The following RUNDC3B variants were observed in gnomAD, a reference collection of about 807,000 sequenced individuals.
RUNDC3B encodes the protein RUN domain-containing protein 3B.
In RUNDC3B, 33 loss-of-function variants were observed where a neutral mutation model predicts 58.4. The ratio of observed to expected loss-of-function variants is 0.56; its 90% CI spans 0.43 to 0.75. The LOEUF (loss-of-function observed/expected upper bound fraction) is 0.75, where lower values mean the gene tolerates loss of function less well. RUNDC3B is among the 30% of genes least tolerant of loss of function. The pLI is 0.00. For missense variants in RUNDC3B, 501 were observed against 535.7 expected, an observed-to-expected ratio of 0.94 and a Z score of 0.64; for synonymous variants, 193 against 195.2, an observed-to-expected ratio of 0.99 and a Z score of 0.10.
intron 6 of RUNDC3B, among the ~76,000 whole-genome samples, chr7:87,742,631 T>C (rs1832400244): frequency 6.6e-6 from 1 of 151,596 alleles, no homozygotes. Flanking sequence ...TATCATGGTT[T>C]TTTTAATTGA....
chr7:87,822,004 C>T (rs1245911285), intron 10 of RUNDC3B, among the ~76,000 whole-genome samples: 22 of 151,744 alleles, frequency 1.4e-4, no homozygotes, highest in Admixed American at 5.3e-4. Flanking sequence ...GTCTAAAACA[C>T]CAAAAGCAAT....
chr7:87,732,101 CAG>C (rs1437650483), intron 4 of RUNDC3B, among the ~76,000 whole-genome samples: 4 of 151,952 alleles, frequency 2.6e-5, no homozygotes, highest in South Asian at 2.1e-4. Flanking sequence ...AAATCAATAA[CAG>C]AGAAATTTTG....
At chr7:87,675,772 T>C (rs1293358681) in intron 2 of RUNDC3B, among the ~76,000 whole-genome samples, 1 of 151,052 alleles carries the variant, frequency 6.6e-6, no homozygotes, top group African/African-American at 2.4e-5. Context: ...ACAAATTAAA[T>C]AATTTAACAT....
chr7:87,702,009 G>C (rs1273972968), intron 3 of RUNDC3B, among the ~76,000 whole-genome samples: 1 of 151,596 alleles, frequency 6.6e-6, no homozygotes, highest in African/African-American at 2.4e-5. Context: ...CAGGCGTGGT[G>C]GTGGGCACCT....
intron 3 of RUNDC3B, among the ~76,000 whole-genome samples, chr7:87,703,915 T>TTTTTTTTTG (rs1829351240): frequency 1.6e-4 from 3 of 18,530 alleles, no homozygotes; most frequent in Non-Finnish European, 2.2e-4. Flanking sequence ...TTTTTTTTGG[T>TTTTTTTTTG]TTTTTTTTTT....
chr7:87,720,415 C>T (rs1830806466), intron 4 of RUNDC3B, among the ~76,000 whole-genome samples: 1 of 151,924 alleles, frequency 6.6e-6, no homozygotes, highest in African/African-American at 2.4e-5. Context: ...AGGAAATGCA[C>T]ATTCCTAAAG....
chr7:87,703,921 T>G, intron 3 of RUNDC3B, among the ~76,000 whole-genome samples: 9 of 108,510 alleles, frequency 8.3e-5, no homozygotes, highest in African/African-American at 3.3e-4. Context: ...TTGGTTTTTT[T>G]TTTTTTTTTT....
chr7:87,822,041 G>A (rs900286764), intron 10 of RUNDC3B, among the ~76,000 whole-genome samples: 1 of 151,808 alleles, frequency 6.6e-6, no homozygotes, highest in African/African-American at 2.4e-5. Context: ...ATTGACAAAT[G>A]GGATCTAATT....
rs141119985 is a variant in RUNDC3B at position 87,780,142 on chromosome 7, T to A, written c.956+2187T>A. On this transcript the variant is annotated intron_variant, in intron 8 of 10. Transcript: ENST00000394654. ...ACCAATTTATTTTCTTTTGGATATA[T>A]ACCTAGTAATGGTATTGCTGGGTTG... Among the ~76,000 whole-genome samples, 110 of 152,348 alleles carry A rather than the reference T, an allele frequency of 7.2e-4. 2 individuals are homozygous for A. In the East Asian group the frequency reaches 0.02, roughly 28 times the overall value.
In RUNDC3B at chr7:87,789,923, T is replaced by A. The variant is rs373690910; in HGVS notation, c.956+11968T>A. ...TGCCACCCTTGGCCCCTAGACAGCA[T>A]CTCTGGACCCACCCAGGGCCTGGGC... On this transcript the variant is annotated intron_variant, in intron 8 of 10. Coordinates refer to ENST00000394654, the MANE Select transcript of RUNDC3B (RefSeq NM_001134405.2). 2.0e-5 allele frequency among the ~76,000 whole-genome samples: 3 copies of A among 152,284 alleles called. No individual in the cohort carries two copies. In the South Asian group the frequency reaches 6.2e-4, roughly 32 times the overall value.
intron 10 of RUNDC3B, among the ~76,000 whole-genome samples, chr7:87,828,906 A>G (rs1053058128): frequency 5.9e-5 from 9 of 152,226 alleles, no homozygotes; most frequent in African/African-American, 1.7e-4. Context: ...CAACCCTTAT[A>G]TCATGTCATT....
intron 2 of RUNDC3B, among the ~76,000 whole-genome samples, chr7:87,675,895 A>G (rs1826305333): frequency 6.6e-6 from 1 of 152,138 alleles, no homozygotes; most frequent in Non-Finnish European, 1.5e-5. Context: ...CAACAAAGAA[A>G]AGATAAATAA....
chr7:87,648,356 T>C (rs570972003), intron 1 of RUNDC3B, among the ~76,000 whole-genome samples: 2 of 152,102 alleles, frequency 1.3e-5, no homozygotes, highest in South Asian at 4.1e-4. Context: ...GAGGCAAATG[T>C]TCATATAAAA....
intron 2 of RUNDC3B, among the ~76,000 whole-genome samples, chr7:87,686,776 GAAAAA>G (rs555870738): frequency 9.3e-5 from 10 of 106,976 alleles, no homozygotes; most frequent in Non-Finnish European, 2.0e-4. Flanking sequence ...CCCGCCTCTA[GAAAAA>G]AAAAAAAAAA....
intron 6 of RUNDC3B, among the ~76,000 whole-genome samples, chr7:87,767,500 C>T (rs773021419): frequency 7.0e-4 from 106 of 152,246 alleles, no homozygotes; most frequent in Admixed American, 2.4e-3. Flanking sequence ...TGCTACTTGT[C>T]GTAGCAATGT....
In RUNDC3B at chr7:87,720,226, A is replaced by G. The variant is rs1830795025; in HGVS notation, c.458+9571A>G. The stretch of plus-strand genomic sequence containing the variant: ...GTCAAAAGCTCTTAGACATATGAAC[A>G]TTTATTTAACTTTTCTTATTATAAG... On this transcript the variant is annotated intron_variant, in intron 4 of 10. Coordinates refer to ENST00000394654, the MANE Select transcript of RUNDC3B (RefSeq NM_001134405.2). Among the ~76,000 whole-genome samples, 4 of 152,156 alleles carry G rather than the reference A, an allele frequency of 2.6e-5. No individual in the cohort carries two copies. In the South Asian group the frequency reaches 8.3e-4, roughly 31 times the overall value.
At chr7:87,690,013 A>C (rs1827866524) in intron 2 of RUNDC3B, among the ~76,000 whole-genome samples, 1 of 152,056 alleles carries the variant, frequency 6.6e-6, no homozygotes. Flanking sequence ...AATTTTTTAT[A>C]GAGACAGAGT....
intron 1 of RUNDC3B, among the ~76,000 whole-genome samples, chr7:87,634,210 A>C (rs926552571): frequency 6.6e-6 from 1 of 152,138 alleles, no homozygotes; most frequent in Non-Finnish European, 1.5e-5. Context: ...TGATTAGCCA[A>C]ATACTTCCTG....
Position 87,700,467 on chromosome 7 carries a change from C to T in RUNDC3B, c.285C>T (p.Asp95=). The change falls in exon 3 of 11, where the codon GAC becomes GAT. Residue 95 remains aspartate (D), a synonymous_variant. Transcript: ENST00000394654. ...FGYESPRSFW[D]YIRVACRKVS... ...ATGAAAGTCCTCGTAGCTTCTGGGA[C>T]TATATCAGAGTGGCTTGCCGGAAAG... 6.2e-7 allele frequency: 1 copy of T among 1,613,274 alleles called. No individual in the cohort carries two copies. Among genetic ancestry groups the T allele is most frequent in the Non-Finnish European group, 8.5e-7 (1 of 1,179,498 alleles).
Sources: allele counts gnomAD v4.1 joint callset (sites outside exome capture counted in the v4.1 genomes callset), GRCh38; gene constraint gnomAD v4.1.1; transcripts MANE v1.5; gene names NCBI Gene and HGNC (gene_info 2026-07-23, HGNC 2026-07-21).